The following ATE1 variants were observed in gnomAD, a reference collection of about 807,000 sequenced individuals.
ATE1 encodes the protein arginyltransferase 1, also known as arginyl-tRNA--protein transferase 1.
In ATE1, 36 loss-of-function variants were observed where a neutral mutation model predicts 70.5. The observed-to-expected ratio is 0.51, with a 90% CI of 0.39 to 0.67. ATE1 has a LOEUF of 0.67. Among genes scored for constraint, ATE1 ranks in the 30% least tolerant of loss-of-function variants. The pLI, the probability that ATE1 is intolerant of heterozygous loss-of-function variation, is 0.00. For synonymous variants in ATE1, 232 were observed against 219.3 expected (o/e 1.06, Z -0.51); for missense variants, 593 against 629.5 (o/e 0.94, Z 0.62).
At position 121,741,013 on chromosome 10, in the gene ATE1, C is replaced by T. The variant is rs139940634; in HGVS notation, c.*2667G>A. 6.6e-6 allele frequency: 1 copy of T among 152,268 alleles called. No individual in the cohort carries two copies. The highest frequency in any genetic ancestry group is 1.9e-4 in the East Asian group (1 of 5,176). 9.4% of individuals were successfully genotyped at this position (152,268 alleles called of 1,614,324 possible). A position where few individuals can be genotyped will look rare whatever the true frequency, so the allele number is the denominator to read the frequency against. ...AAGGGGAATTGAAATTACATCTTTG[C>T]TCCCAAAACAGGAAGGCAGGTGTGA... On this transcript the variant is annotated 3_prime_UTR_variant, in exon 12 of 12. Coordinates refer to ENST00000224652, the MANE Select transcript of ATE1 (RefSeq NM_001001976.3).
intron 5 of ATE1, among the ~76,000 whole-genome samples, chr10:121,906,356 CCT>C (rs961513327): frequency 3.9e-5 from 6 of 152,086 alleles, no homozygotes; most frequent in African/African-American, 1.2e-4. Context: ...GGCAAAACCC[CCT>C]CTCTACTAAA....
intron 8 of ATE1, among the ~76,000 whole-genome samples, chr10:121,852,276 G>A (rs1280600642): frequency 6.6e-6 from 1 of 152,206 alleles, no homozygotes; most frequent in Admixed American, 6.5e-5. Context: ...TCTATGATGA[G>A]ACAATTAATG....
chr10:121,875,024 A>C, intron 7 of ATE1, among the ~76,000 whole-genome samples: 1 of 86,484 alleles, frequency 1.2e-5, no homozygotes, highest in Admixed American at 1.0e-4. Flanking sequence ...ACGTAGTCCC[A>C]GCTACTCAGG....
chr10:121,904,311 T>G (rs1487013261), intron 5 of ATE1, among the ~76,000 whole-genome samples: 1 of 151,678 alleles, frequency 6.6e-6, no homozygotes, highest in Non-Finnish European at 1.5e-5. Context: ...ATTATGCTAG[T>G]AATTTTTTAG....
At chr10:121,904,231 C>G (rs1012377591) in intron 5 of ATE1, among the ~76,000 whole-genome samples, 1 of 151,972 alleles carries the variant, frequency 6.6e-6, no homozygotes, top group Non-Finnish European at 1.5e-5. Flanking sequence ...ATCCACCTGC[C>G]TTGGCCTCCC....
chr10:121,894,375 CACAA>C (rs1396476694), intron 7 of ATE1, among the ~76,000 whole-genome samples: 1 of 152,078 alleles, frequency 6.6e-6, no homozygotes, highest in Non-Finnish European at 1.5e-5. Context: ...CATTCAAAGA[CACAA>C]ACAGATTGAA....
rs529211208 is a variant in ATE1, at chr10:121,895,924, CA to C, written c.942+3941del. Among the ~76,000 whole-genome samples, 634 of 127,068 alleles carry C rather than the reference CA, an allele frequency of 5.0e-3. 5 individuals are homozygous for C. Among genetic ancestry groups the C allele is most frequent in the African/African-American group, 0.014 (462 of 33,512 alleles). The allele number at this position is 127,068 out of a possible 152,430, so 83.4% of individuals were successfully genotyped here. A position where few individuals can be genotyped will look rare whatever the true frequency, so the allele number is the denominator to read the frequency against. ...AGAGCAAGACTCTGTCTCCCCCCAC[CA>C]AAAAAAAAAAAATCAAACATGTACT... On this transcript the variant is annotated intron_variant, in intron 7 of 11. Transcript: ENST00000224652.
chr10:121,810,192 T>G (rs1947264077), intron 10 of ATE1, among the ~76,000 whole-genome samples: 1 of 152,254 alleles, frequency 6.6e-6, no homozygotes, highest in African/African-American at 2.4e-5. Context: ...GTAAATTATT[T>G]GGTTTTCTGT....
intron 11 of ATE1, among the ~76,000 whole-genome samples, chr10:121,745,705 C>T (rs552166181): frequency 4.0e-5 from 6 of 149,948 alleles, no homozygotes; most frequent in Admixed American, 1.3e-4. Context: ...CCAGCCTGGG[C>T]GACAGAGCAA....
In ATE1 at chr10:121,917,479, A is replaced by T. The variant is rs1951707230; in HGVS notation, c.234-3586T>A. On this transcript the variant is annotated intron_variant, in intron 3 of 11. Transcript: ENST00000224652. ...TTGTGAAGCATATTTACACAGTCAC[A>T]ATGGATATGAACACATCTGCCCAAA... Among the ~76,000 whole-genome samples the T allele has an allele frequency of 4.6e-5, 7 of 152,214 alleles. No homozygotes were observed. In the South Asian group the frequency reaches 1.4e-3, roughly 32 times the overall value.
chr10:121,927,476 C>T (rs1056872781), intron 1 of ATE1: 138 of 985,142 alleles, frequency 1.4e-4, no homozygotes, highest in Non-Finnish European at 1.4e-4. Context: ...GCCCTCGCTC[C>T]CGGGACGCTC....
Position 121,774,977 on chromosome 10 carries a change from G to A in ATE1, c.1378+15192C>T, listed in dbSNP as rs150063760. 9.4e-3 allele frequency among the ~76,000 whole-genome samples: 1,434 copies of A among 152,240 alleles called. 25 individuals are homozygous for A. Among genetic ancestry groups the A allele is most frequent in the African/African-American group, 0.032 (1,346 of 41,556 alleles). On this transcript the variant is annotated intron_variant, in intron 11 of 11. Transcript: ENST00000224652. ...AGTATGTCCAAATACAAGCCTGTAA[G>A]GTCACACCTTTCTCAAAAGGCAGAC... is the stretch of plus-strand genomic sequence containing the variant.
At chr10:121,784,517 T>C (rs1164452791) in intron 11 of ATE1, among the ~76,000 whole-genome samples, 1 of 152,154 alleles carries the variant, frequency 6.6e-6, no homozygotes, top group Non-Finnish European at 1.5e-5. Context: ...AGCACCATAC[T>C]AAATTGTACA....
chr10:121,797,645 C>T (rs527614706), intron 10 of ATE1, among the ~76,000 whole-genome samples: 2 of 151,868 alleles, frequency 1.3e-5, no homozygotes, highest in Admixed American at 6.6e-5. Context: ...CTGAGTGGCA[C>T]GGCCCATGTT....
intron 8 of ATE1, among the ~76,000 whole-genome samples, chr10:121,858,627 A>T (rs940519918): frequency 1.8e-5 from 2 of 111,108 alleles, no homozygotes; most frequent in Non-Finnish European, 3.8e-5. Context: ...TTTCCTTATT[A>T]TATATATATA....
At position 121,869,393 on chromosome 10, in the gene ATE1, C is replaced by T. The variant is rs150297934; in HGVS notation, c.975+613G>A. 4.0e-4 allele frequency among the ~76,000 whole-genome samples: 61 copies of T among 152,308 alleles called. 1 individual carries two copies. The East Asian group carries it at 8.9e-3, about 22-fold the overall frequency. ...GTTTTTCTGCAAATGCAGCTCATAA[C>T]GATATCTAGTTCTCTAAACATCTAA... On this transcript the variant is annotated intron_variant, in intron 8 of 11. Transcript: ENST00000224652.
chr10:121,826,788 G>A (rs1349611206), intron 10 of ATE1, among the ~76,000 whole-genome samples: 1 of 152,118 alleles, frequency 6.6e-6, no homozygotes, highest in Non-Finnish European at 1.5e-5. Flanking sequence ...CACTCTAGTA[G>A]TCCCCAATGT....
intron 10 of ATE1, among the ~76,000 whole-genome samples, chr10:121,811,954 T>A (rs980208772): frequency 7.6e-6 from 1 of 131,266 alleles, no homozygotes; most frequent in Non-Finnish European, 1.6e-5. Flanking sequence ...CCAAATTCTT[T>A]TTTTTTTTTT....
chr10:121,908,130 CAATGAT>C (rs1286807963), intron 5 of ATE1, among the ~76,000 whole-genome samples: 1 of 152,100 alleles, frequency 6.6e-6, no homozygotes, highest in Non-Finnish European at 1.5e-5. Context: ...CATGAGTTCC[CAATGAT>C]ACCAACAAGA....
Sources: gnomAD v4.1 joint callset for allele counts (sites outside exome capture counted in the v4.1 genomes callset) on GRCh38, gnomAD v4.1.1 for gene constraint, MANE v1.5 for transcripts, NCBI Gene and HGNC (gene_info 2026-07-23, HGNC 2026-07-21) for gene names.